Variants in PPP1R37 observed in about 807,000 individuals in gnomAD.
PPP1R37 encodes the protein protein phosphatase 1 regulatory subunit 37.
In PPP1R37, 21 loss-of-function variants were observed where a neutral mutation model predicts 61.0. That is an observed-to-expected ratio of 0.34 (90% CI 0.24 to 0.50). The LOEUF is 0.50. PPP1R37 is among the 20% of genes least tolerant of loss of function. The pLI is 0.98. For missense variants in PPP1R37, 910 were observed against 952.7 expected, an observed-to-expected ratio of 0.96 and a Z score of 0.59; for synonymous variants, 443 against 433.5, an observed-to-expected ratio of 1.02 and a Z score of -0.27.
chr19:45,140,135 CCCCAGAA>C, intron 2 of PPP1R37, 94 bp from the exon 3 acceptor site: 6 of 1,082,024 alleles, frequency 5.5e-6, no homozygotes, highest in Non-Finnish European at 8.1e-6. Flanking sequence ...CCAAACCCCA[CCCCAGAA>C]CCCTGCCTGA....
chr19:45,094,061 A>G (rs1284492772), intron 1 of PPP1R37, among the ~76,000 whole-genome samples: 1 of 152,226 alleles, frequency 6.6e-6, no homozygotes, highest in Admixed American at 6.5e-5. Flanking sequence ...AGGACTTGGT[A>G]AAAAGGAGTC....
intron 11 of PPP1R37, 92 bp downstream of exon 11, chr19:45,146,141 CCT>C (rs1415649915): frequency 1.5e-6 from 2 of 1,342,976 alleles, no homozygotes; most frequent in Non-Finnish European, 2.0e-6. Context: ...TCAGTTTCCC[CCT>C]CTTTAAAATG....
At chr19:45,116,158 T>G (rs933650884) in intron 1 of PPP1R37, among the ~76,000 whole-genome samples, 2 of 152,234 alleles carry the variant, frequency 1.3e-5, no homozygotes. Context: ...TCTGCCTTGT[T>G]CCTTCCGTCC....
At chr19:45,140,393 G>T (rs999425999) in intron 3 of PPP1R37, 112 bp downstream of exon 3, 4 of 1,069,594 alleles carry the variant, frequency 3.7e-6, no homozygotes, top group Admixed American at 2.2e-5. Context: ...GCTGAGCTCA[G>T]CCAGGGCAGG....
intron 2 of PPP1R37, among the ~76,000 whole-genome samples, chr19:45,139,462 C>G (rs1414689480): frequency 6.6e-6 from 1 of 152,160 alleles, no homozygotes; most frequent in Non-Finnish European, 1.5e-5. Flanking sequence ...CCCCAGCCCC[C>G]TCCCTCGGCA....
chr19:45,112,123 C>T lies in PPP1R37; in HGVS notation c.202+18596C>T, dbSNP rs544901846. 2.0e-5 allele frequency among the ~76,000 whole-genome samples: 3 copies of T among 152,190 alleles called. No homozygotes were observed. In the South Asian group the frequency reaches 6.2e-4, roughly 32 times the overall value. ...CCCAGCTGGGATTACAGGCTCCTGC[C>T]ACCACACCTGGCTAACTTTTTTGTA... On this transcript the variant is annotated intron_variant, in intron 1 of 12. Transcript: ENST00000221462.
chr19:45,136,389 C>T (rs1040258396), intron 1 of PPP1R37: 1 of 152,208 alleles, frequency 6.6e-6, no homozygotes, highest in African/African-American at 2.4e-5. Context: ...CAGTTCCATT[C>T]ATGAAAATAA....
intron 1 of PPP1R37, among the ~76,000 whole-genome samples, chr19:45,096,956 A>C (rs988534307): frequency 6.8e-6 from 1 of 147,580 alleles, no homozygotes; most frequent in Non-Finnish European, 1.5e-5. Context: ...GTTTGGACAA[A>C]GGGATTTGCA....
intron 2 of PPP1R37, among the ~76,000 whole-genome samples, chr19:45,139,205 C>T (rs1418499882): frequency 6.6e-6 from 1 of 152,204 alleles, no homozygotes; most frequent in Non-Finnish European, 1.5e-5. Context: ...GCATGAGCCA[C>T]CATGCCCAGC....
Position 45,138,273 on chromosome 19 carries a change from C to T in PPP1R37, c.203-241C>T, listed in dbSNP as rs374265538. On this transcript the variant is annotated intron_variant, in intron 1 of 12. Coordinates refer to ENST00000221462, the MANE Select transcript of PPP1R37 (RefSeq NM_019121.2). ...TTCATTGTGTATTTGTGTGAAGGTG[C>T]TTGGAGCGGAGGTGAGGCGTGGAGG... 1.6e-4 allele frequency among the ~76,000 whole-genome samples: 25 copies of T among 152,214 alleles called. No homozygotes were observed. The South Asian group carries it at 5.0e-3, about 30-fold the overall frequency.
Position 45,121,293 on chromosome 19 carries a change from C to A in PPP1R37, c.203-17221C>A, listed in dbSNP as rs1238964237. On this transcript the variant is annotated intron_variant, in intron 1 of 12. Transcript: ENST00000221462. This position sits in a 1 kb window ranked among gnomAD's most constrained non-coding sequence, Gnocchi z 4.2. ...AGAAGCACAGACCTGCATTTACACT[C>A]ACACTCTGGGATGAGGGACTTTCCT... Among the ~76,000 whole-genome samples the A allele has an allele frequency of 1.3e-5, 2 of 152,232 alleles. No individual in the cohort carries two copies. Among genetic ancestry groups the A allele is most frequent in the African/African-American group, 4.8e-5 (2 of 41,458 alleles).
chr19:45,127,731 C>G (rs1968425149), intron 1 of PPP1R37, among the ~76,000 whole-genome samples: 2 of 152,118 alleles, frequency 1.3e-5, no homozygotes, highest in African/African-American at 4.8e-5. Context: ...AATCCCAGCA[C>G]TGTGGGAGGC....
Position 45,146,687 on chromosome 19 carries a change from C to A in PPP1R37, c.*125C>A, listed in dbSNP as rs2122762650. 1 of 532,188 alleles carries A rather than the reference C, an allele frequency of 1.9e-6. No homozygotes were observed. Among genetic ancestry groups the A allele is most frequent in the Non-Finnish European group, 3.4e-6 (1 of 293,426 alleles). 33.0% of individuals were successfully genotyped at this position (532,188 alleles called of 1,614,324 possible). ...CAGGGGTGGGGGCCATTCTGGGGCC[C>A]CCCTCCCCCCACAGCAACACTACAA... On this transcript the variant is annotated 3_prime_UTR_variant, in exon 13 of 13. Transcript: ENST00000221462.
chr19:45,145,371 A>T lies in PPP1R37; in HGVS notation c.1315A>T (p.Thr439Ser). The T allele has an allele frequency of 2.0e-6, 3 of 1,535,068 alleles. No homozygotes were observed. Among genetic ancestry groups the T allele is most frequent in the Non-Finnish European group, 2.6e-6 (3 of 1,146,418 alleles). The change falls in exon 11 of 13, where the codon ACG (threonine) becomes TCG (serine). Residue 439 changes from threonine (T) to serine (S), a missense_variant. By Grantham distance (58) the Thr-to-Ser change is moderately conservative. Coordinates refer to ENST00000221462, the MANE Select transcript of PPP1R37 (RefSeq NM_019121.2). The stretch of plus-strand genomic sequence containing the variant: ...GCCACAGGTGAAGAGCTTCATCGAG[A>T]CGCAGAAGGCGCTGCTGGCCGAGAT... ...KKEAVKSFIETQKALLAEIQN... is the reference protein window; with the variant it reads ...KKEAVKSFIESQKALLAEIQN...
rs1968463061 is a variant in PPP1R37, at chr19:45,130,497, C to CG, written c.203-8013dup. ...CTGCCCCAGTGGTTGCTGCCTGCCA[C>CG]GGGGTTTGCACAGGGACTGCGCAGT... On this transcript the variant is annotated intron_variant, in intron 1 of 12. Transcript: ENST00000221462. This position sits in a 1 kb window ranked among gnomAD's most constrained non-coding sequence, Gnocchi z 4.4. 6.6e-6 allele frequency among the ~76,000 whole-genome samples: 1 copy of CG among 152,130 alleles called. No homozygotes were observed. The highest frequency in any genetic ancestry group is 6.5e-5 in the Admixed American group (1 of 15,284).
intron 1 of PPP1R37, among the ~76,000 whole-genome samples, chr19:45,123,542 A>G (rs1016255528): frequency 6.6e-6 from 1 of 152,228 alleles, no homozygotes; most frequent in African/African-American, 2.4e-5. Flanking sequence ...GATGCAGGAC[A>G]GACAGCTCTG....
Position 45,141,306 on chromosome 19 carries a change from G to A in PPP1R37, c.448-16G>A, listed in dbSNP as rs1388549722. 3.3e-5 allele frequency: 50 copies of A among 1,531,548 alleles called. No individual in the cohort carries two copies. Among genetic ancestry groups the A allele is most frequent in the South Asian group, 3.6e-5 (3 of 83,522 alleles). The allele number at this position is 1,531,548 out of a possible 1,614,324, so 94.9% of individuals were successfully genotyped here. ...AGCCCAGAGCTGAGGCTGAGCCCCC[G>A]AATCTCTATGCGCAGGGTGCCTCGG... On this transcript the variant is annotated splice_polypyrimidine_tract_variant and intron_variant, in intron 4 of 12. Coordinates refer to ENST00000221462, the MANE Select transcript of PPP1R37 (RefSeq NM_019121.2).
chr19:45,143,158 C>A, intron 7 of PPP1R37: 1 of 219,336 alleles, frequency 4.6e-6, no homozygotes. Flanking sequence ...GTACTCCAGT[C>A]TAGAGAGACA....
intron 1 of PPP1R37, among the ~76,000 whole-genome samples, chr19:45,098,376 G>T (rs1968020299): frequency 6.6e-6 from 1 of 152,202 alleles, no homozygotes; most frequent in African/African-American, 2.4e-5. Context: ...GAACTCTGTG[G>T]GGTTGGAAAG....
Sources: allele counts gnomAD v4.1 joint callset (sites outside exome capture counted in the v4.1 genomes callset), GRCh38; gene constraint gnomAD v4.1.1; non-coding constraint Gnocchi (gnomAD v3.1); transcripts MANE v1.5; gene names NCBI Gene and HGNC (gene_info 2026-07-23, HGNC 2026-07-21).